Variants in DHX32 observed in about 807,000 individuals in gnomAD.
The protein encoded by DHX32 is putative pre-mRNA-splicing factor ATP-dependent RNA helicase DHX32.
A neutral mutation model predicts 70.0 loss-of-function variants in DHX32; 51 were observed. The ratio of observed to expected loss-of-function variants is 0.73; its 90% CI spans 0.58 to 0.92. DHX32 has a LOEUF of 0.92. Among genes scored for constraint, DHX32 ranks in the 40% least tolerant of loss-of-function variants. The pLI, the probability that DHX32 is intolerant of heterozygous loss-of-function variation, is 0.00. For synonymous variants in DHX32, 310 were observed against 315.3 expected (o/e 0.98, Z 0.18); for missense variants, 762 against 891.8 (o/e 0.85, Z 1.85).
chr10:125,855,651 C>T (rs1051802669), intron 3 of DHX32, among the ~76,000 whole-genome samples: 2 of 151,978 alleles, frequency 1.3e-5, no homozygotes, highest in South Asian at 2.1e-4. Flanking sequence ...GGGGCTTCAC[C>T]GTGTTAGCCA....
chr10:125,861,373 T>A (rs963822370), intron 2 of DHX32, among the ~76,000 whole-genome samples: 1 of 151,916 alleles, frequency 6.6e-6, no homozygotes, highest in African/African-American at 2.4e-5. Flanking sequence ...GGCGGGCGCC[T>A]GTAGTACCAG....
Position 125,859,991 on chromosome 10 carries a change from A to G in DHX32, c.477-16T>C, listed in dbSNP as rs1944175836. The G allele has an allele frequency of 6.6e-7, 1 of 1,516,588 alleles. No individual in the cohort carries two copies. Among genetic ancestry groups the G allele is most frequent in the Non-Finnish European group, 8.8e-7 (1 of 1,136,546 alleles). The allele number at this position is 1,516,588 out of a possible 1,614,324, so 93.9% of individuals were successfully genotyped here. On this transcript the variant is annotated splice_polypyrimidine_tract_variant and intron_variant, in intron 2 of 10. Coordinates refer to ENST00000284690, the MANE Select transcript of DHX32 (RefSeq NM_018180.3). ...AGTACAATACCTATAAAGAAGAAAC[A>G]TTAAAGTTAGAATATTCTTATGCTA...
intron 1 of DHX32, among the ~76,000 whole-genome samples, chr10:125,870,105 A>G (rs1412455765): frequency 6.6e-6 from 1 of 152,224 alleles, no homozygotes; most frequent in Non-Finnish European, 1.5e-5. Context: ...GAAGCTAAAG[A>G]GCAGCATAAA....
In DHX32 at chr10:125,855,056, T is replaced by G. The variant is rs186883413; in HGVS notation, c.850-853A>C. ...CTGGCCAACATGGTGAAACCCTGTC[T>G]ACTAAAAATACAAAAATTAGCTGGG... On this transcript the variant is annotated intron_variant, in intron 3 of 10. Coordinates refer to ENST00000284690, the MANE Select transcript of DHX32 (RefSeq NM_018180.3). Among the ~76,000 whole-genome samples the G allele has an allele frequency of 1.1e-4, 16 of 151,990 alleles. No homozygotes were observed. In the East Asian group the frequency reaches 3.1e-3, roughly 30 times the overall value.
In DHX32 at chr10:125,867,032, A is replaced by G. The variant is rs1331804475; in HGVS notation, c.434T>C (p.Val145Ala). The G allele has an allele frequency of 1.9e-6, 3 of 1,614,204 alleles. No homozygotes were observed. Among genetic ancestry groups the G allele is most frequent in the South Asian group, 2.2e-5 (2 of 91,082 alleles). ...DVNIGHEVGY[V>A]IPFENCCTNE... ...GGTACAGCAGTTCTCGAAAGGGATCACGTAGCCAACCTCATGACCAATGTT... is the reference window on the plus strand; with the variant it reads ...GGTACAGCAGTTCTCGAAAGGGATCGCGTAGCCAACCTCATGACCAATGTT... The change falls in exon 2 of 11, where the codon GTG becomes GCG. Residue 145 changes from valine (V) to alanine (A), a missense_variant. Physicochemically the swap from Val to Ala is moderately conservative, Grantham distance 64. Coordinates refer to ENST00000284690, the MANE Select transcript of DHX32 (RefSeq NM_018180.3).
chr10:125,876,944 T>C (rs1346273123), intron 1 of DHX32, among the ~76,000 whole-genome samples: 3 of 152,176 alleles, frequency 2.0e-5, no homozygotes, highest in Non-Finnish European at 2.9e-5. Context: ...CACACTGTTT[T>C]TCAGTAAATA....
intron 2 of DHX32, among the ~76,000 whole-genome samples, chr10:125,864,509 A>T (rs1944207434): frequency 6.6e-6 from 1 of 152,164 alleles, no homozygotes; most frequent in Admixed American, 6.5e-5. Context: ...TCAGAATTGA[A>T]TGCTTGGGTT....
chr10:125,882,367 G>A (rs531919098), upstream of DHX32, among the ~76,000 whole-genome samples: 3 of 152,286 alleles, frequency 2.0e-5, no homozygotes, highest in South Asian at 6.2e-4. Context: ...GTGCTCAACA[G>A]CTAGTTCCTA....
intron 1 of DHX32, among the ~76,000 whole-genome samples, chr10:125,871,266 C>T (rs953322023): frequency 6.6e-6 from 1 of 152,206 alleles, no homozygotes; most frequent in African/African-American, 2.4e-5. Context: ...CCTTCCTCTA[C>T]ATTAGAGCAA....
At chr10:125,887,472 T>C (rs781426351) in intron 1 of DHX32, among the ~76,000 whole-genome samples, 6 of 152,200 alleles carry the variant, frequency 3.9e-5, no homozygotes, top group Admixed American at 6.5e-5. Flanking sequence ...GCAAAATACC[T>C]GATCTGCTAT....
intron 1 of DHX32, among the ~76,000 whole-genome samples, chr10:125,877,107 GA>G (rs1354479327): frequency 3.9e-5 from 6 of 152,146 alleles, no homozygotes; most frequent in African/African-American, 1.4e-4. Context: ...GAATCTGGGT[GA>G]ACAACATATG....
At chr10:125,839,263 C>A in intron 8 of DHX32, 75 bp from the exon 9 acceptor site, 2 of 1,483,946 alleles carry the variant, frequency 1.3e-6, no homozygotes, top group Non-Finnish European at 1.8e-6. Context: ...CAGGCAGTTG[C>A]CATCTTTAAG....
rs139351747 is a variant in DHX32, at chr10:125,880,717, C to T, written c.108G>A (p.Glu36=). 2 of 1,614,174 alleles carry T rather than the reference C, an allele frequency of 1.2e-6. No individual in the cohort carries two copies. Among genetic ancestry groups the T allele is most frequent in the South Asian group, 1.1e-5 (1 of 91,072 alleles). ...CATCAAAGGGGTTAAGTTCCAAATCCTCACAGGCCAAAACCTCTTCCTCAT... is the reference window on the plus strand; with the variant it reads ...CATCAAAGGGGTTAAGTTCCAAATCTTCACAGGCCAAAACCTCTTCCTCAT... ...DGDEEEVLAC[E]DLELNPFDGL... Residue 36 remains glutamate (E), a synonymous_variant, in exon 1 of 11, where the codon GAG becomes GAA. Transcript: ENST00000284690.
At chr10:125,870,229 C>G (rs578145831) in intron 1 of DHX32, among the ~76,000 whole-genome samples, 1 of 151,984 alleles carries the variant, frequency 6.6e-6, no homozygotes, top group African/African-American at 2.4e-5. Flanking sequence ...CTGGGATCAA[C>G]GGAAAAGCAA....
chr10:125,844,394 A>G (rs1854956035), intron 6 of DHX32, among the ~76,000 whole-genome samples: 1 of 152,204 alleles, frequency 6.6e-6, no homozygotes, highest in South Asian at 2.1e-4. Flanking sequence ...TCTGTCCCCA[A>G]AGGGCACCTA....
At chr10:125,854,311 G>C in intron 3 of DHX32, 108 bp from the exon 4 acceptor site, 1 of 1,150,934 alleles carries the variant, frequency 8.7e-7, no homozygotes, top group Non-Finnish European at 1.2e-6. Flanking sequence ...AACAGATACA[G>C]GGAAAGAAAT....
chr10:125,857,900 A>ATT (rs570512404), intron 3 of DHX32, among the ~76,000 whole-genome samples: 8 of 116,352 alleles, frequency 6.9e-5, no homozygotes, highest in Admixed American at 8.7e-5. Flanking sequence ...TTAATTTTTC[A>ATT]TTTTTTTTTT....
chr10:125,887,629 T>TTG (rs1403210486), intron 1 of DHX32, among the ~76,000 whole-genome samples: 1 of 152,066 alleles, frequency 6.6e-6, no homozygotes, highest in Non-Finnish European at 1.5e-5. Context: ...TTGTATGTGT[T>TTG]TGTGTGTGTG....
At chr10:125,868,887 C>G (rs912136754) in intron 1 of DHX32, among the ~76,000 whole-genome samples, 1 of 152,148 alleles carries the variant, frequency 6.6e-6, no homozygotes, top group Non-Finnish European at 1.5e-5. Context: ...GTGTGCTTCC[C>G]ACCGTGGCAG....
Sources: allele counts gnomAD v4.1 joint callset (sites outside exome capture counted in the v4.1 genomes callset), GRCh38; gene constraint gnomAD v4.1.1; transcripts MANE v1.5; gene names NCBI Gene and HGNC (gene_info 2026-07-23, HGNC 2026-07-21).